The following JADE1 variants were observed in gnomAD, a reference collection of about 807,000 sequenced individuals.
JADE1 encodes jade family PHD finger 1.
Under a neutral mutation model 81.8 loss-of-function variants are expected in JADE1, and 14 were observed. The ratio of observed to expected loss-of-function variants is 0.17; its 90% CI spans 0.11 to 0.27. The LOEUF (loss-of-function observed/expected upper bound fraction) is 0.27. Ranked by LOEUF, JADE1 falls within the 10% of genes least tolerant of loss-of-function variation. The pLI, the probability that JADE1 is intolerant of heterozygous loss-of-function variation, is 1.00. For synonymous variants in JADE1, 353 were observed against 391.9 expected (o/e 0.90, Z 1.17); for missense variants, 690 against 1,047.9 (o/e 0.66, Z 4.71).
chr4:128,816,117 A>C lies in JADE1; in HGVS notation c.-27+6240A>C, dbSNP rs1236044795. ...AGGAAAGTATTTTAATTCCTGAGAC[A>C]GGTAAGTTGTTTCCTTAAAAGTCTT... On this transcript the variant is annotated intron_variant, in intron 1 of 10. Transcript: ENST00000226319. Among the ~76,000 whole-genome samples, 3 of 152,136 alleles carry C rather than the reference A, an allele frequency of 2.0e-5. No homozygotes were observed. The East Asian group carries it at 5.8e-4, about 29-fold the overall frequency.
intron 1 of JADE1, among the ~76,000 whole-genome samples, chr4:128,818,873 A>T (rs930971852): frequency 2.6e-5 from 4 of 152,142 alleles, no homozygotes; most frequent in African/African-American, 9.7e-5. Flanking sequence ...TTGATTTGAG[A>T]CAGGGTCTCA....
At chr4:128,837,140 C>T (rs1729049998) in intron 2 of JADE1, among the ~76,000 whole-genome samples, 3 of 152,150 alleles carry the variant, frequency 2.0e-5, no homozygotes, top group Admixed American at 1.3e-4. Flanking sequence ...GAGCCAGGCT[C>T]CATGTGGGCC....
intron 6 of JADE1, among the ~76,000 whole-genome samples, chr4:128,853,909 G>A (rs993650268): frequency 1.4e-4 from 22 of 152,182 alleles, no homozygotes; most frequent in African/African-American, 5.3e-4. Flanking sequence ...ATCGCCGTCT[G>A]TTGCTCTGGA....
At chr4:128,865,205 T>C (rs1419759390) in intron 9 of JADE1, among the ~76,000 whole-genome samples, 2 of 152,100 alleles carry the variant, frequency 1.3e-5, no homozygotes, top group Non-Finnish European at 1.5e-5. Context: ...GCAAACAGTT[T>C]TGGATTCAAG....
intron 1 of JADE1, among the ~76,000 whole-genome samples, chr4:128,827,096 C>T (rs1256864010): frequency 6.6e-6 from 1 of 152,158 alleles, no homozygotes; most frequent in Non-Finnish European, 1.5e-5. Context: ...CCACCGGCCC[C>T]ACCCTCCTCC....
chr4:128,855,112 C>G (rs1171471500), intron 6 of JADE1, among the ~76,000 whole-genome samples: 2 of 152,124 alleles, frequency 1.3e-5, no homozygotes, highest in African/African-American at 4.8e-5. Flanking sequence ...CTCTCCTGTT[C>G]CATTGCCATC....
At position 128,846,291 on chromosome 4, in the gene JADE1, G is replaced by A; in HGVS notation, c.139-84G>A. ...GATACAGTGACCTTGTTACATGGCA[G>A]CTCCATGGTTACATTGCAGCTGCCA... On this transcript the variant is annotated intron_variant, in intron 3 of 10. Transcript: ENST00000226319. This position sits in a 1 kb window ranked among gnomAD's most constrained non-coding sequence, Gnocchi z 4.0. 1 of 1,345,990 alleles carries A rather than the reference G, an allele frequency of 7.4e-7. No homozygotes were observed. The highest frequency in any genetic ancestry group is 1.0e-6 in the Non-Finnish European group (1 of 953,736). The allele number at this position is 1,345,990 out of a possible 1,614,324, so 83.4% of individuals were successfully genotyped here.
At chr4:128,816,289 AGT>A (rs1727026280) in intron 1 of JADE1, 1 of 152,108 alleles carries the variant, frequency 6.6e-6, no homozygotes, top group African/African-American at 2.4e-5. Context: ...TCCTTTGCCT[AGT>A]GTATTTCTCA....
intron 1 of JADE1, among the ~76,000 whole-genome samples, chr4:128,813,426 TTG>T (rs1491142226): frequency 5.6e-4 from 77 of 137,822 alleles, no homozygotes; most frequent in African/African-American, 1.7e-3. Context: ...TTTTTTTTTT[TTG>T]TTCCTTGAGA....
intron 6 of JADE1, 126 bp downstream of exon 6, chr4:128,852,394 T>C (rs1560762355): frequency 4.2e-6 from 3 of 720,606 alleles, no homozygotes; most frequent in Non-Finnish European, 7.1e-6. Context: ...TTTAAAGAAA[T>C]GTGCCCTATA....
intron 1 of JADE1, among the ~76,000 whole-genome samples, chr4:128,823,377 A>G (rs1727753077): frequency 6.6e-6 from 1 of 152,224 alleles, no homozygotes; most frequent in African/African-American, 2.4e-5. Flanking sequence ...TTTAAATCTG[A>G]GTTCAAAAAT....
intron 9 of JADE1, 144 bp downstream of exon 9, chr4:128,862,369 A>G: frequency 6.9e-7 from 1 of 1,453,994 alleles, no homozygotes; most frequent in Non-Finnish European, 9.1e-7. Flanking sequence ...TTGGTTAAAA[A>G]TATTTATGGG....
chr4:128,820,768 G>A, intron 1 of JADE1, among the ~76,000 whole-genome samples: 1 of 151,940 alleles, frequency 6.6e-6, no homozygotes, highest in East Asian at 1.9e-4. Context: ...TGACAACCGG[G>A]TATAATCAAG....
chr4:128,849,672 C>T (rs980860335), intron 5 of JADE1, among the ~76,000 whole-genome samples: 6 of 152,174 alleles, frequency 3.9e-5, no homozygotes, highest in East Asian at 1.9e-4. Context: ...TTTTTCCCTC[C>T]GTTTATCTCT....
chr4:128,857,106 C>G (rs1419976889), intron 7 of JADE1, among the ~76,000 whole-genome samples: 1 of 152,120 alleles, frequency 6.6e-6, no homozygotes, highest in Non-Finnish European at 1.5e-5. Flanking sequence ...ACTCAGTTAT[C>G]TAAGTGTTTT....
chr4:128,872,280 G>A lies in JADE1; in HGVS notation c.*18G>A, dbSNP rs771421879. The A allele has an allele frequency of 9.3e-6, 15 of 1,607,004 alleles. No individual in the cohort carries two copies. The African/African-American group carries it at 9.4e-5, about 10-fold the overall frequency. On this transcript the variant is annotated 3_prime_UTR_variant, in exon 11 of 11. Coordinates refer to ENST00000226319, the MANE Select transcript of JADE1 (RefSeq NM_199320.4). The stretch of plus-strand genomic sequence containing the variant: ...CTTCTTGATGCAACAGAGATGATGC[G>A]GAAGCCCTTTGGGCTCGTCATTGGG...
In JADE1 at chr4:128,871,821, C is replaced by T; in HGVS notation, c.2088C>T (p.Asp696=). ...RSTDVSQRHL[D]NTRAATSPGV... is the part of the protein sequence containing the mutation. ...CAGATGTGTCCCAGAGGCATCTGGA[C>T]AACACAAGAGCTGCCACCTCCCCTG... Residue 696 remains aspartate (D), a synonymous_variant, in exon 11 of 11, where the codon GAC becomes GAT. Coordinates refer to ENST00000226319, the MANE Select transcript of JADE1 (RefSeq NM_199320.4). The surrounding 1 kb of genome is among the most constrained non-coding windows in gnomAD (Gnocchi z 4.1). The T allele has an allele frequency of 6.2e-7, 1 of 1,614,112 alleles. No homozygotes were observed. The highest frequency in any genetic ancestry group is 8.5e-7 in the Non-Finnish European group (1 of 1,179,992).
intron 1 of JADE1, among the ~76,000 whole-genome samples, chr4:128,812,362 T>C (rs1158132987): frequency 4.0e-5 from 6 of 150,756 alleles, no homozygotes; most frequent in Non-Finnish European, 7.4e-5. Context: ...ACCGCGGCCC[T>C]GCGCATTCCC....
At chr4:128,863,977 T>C (rs1731583757) in intron 9 of JADE1, 1 of 985,310 alleles carries the variant, frequency 1.0e-6, no homozygotes, top group Non-Finnish European at 1.2e-6. Flanking sequence ...TAACATGCAC[T>C]TCTAATTCTA....
Sources: gnomAD v4.1 joint callset for allele counts (sites outside exome capture counted in the v4.1 genomes callset) on GRCh38, gnomAD v4.1.1 for gene constraint, Gnocchi (gnomAD v3.1) non-coding constraint, MANE v1.5 for transcripts, NCBI Gene and HGNC (gene_info 2026-07-23, HGNC 2026-07-21) for gene names.